Variants in TIAM1 observed in about 807,000 individuals in gnomAD.
TIAM1 encodes the protein TIAM Rac1 associated GEF 1.
In TIAM1, 65 loss-of-function variants were observed where a neutral mutation model predicts 163.5. That is an observed-to-expected ratio of 0.40 (90% CI 0.33 to 0.49). The LOEUF (loss-of-function observed/expected upper bound fraction) is 0.49. TIAM1 is among the 20% of genes least tolerant of loss of function. TIAM1 has a pLI of 0.77. For synonymous variants in TIAM1, 833 were observed against 810.1 expected (o/e 1.03, Z -0.48); for missense variants, 1,789 against 2,044.7 (o/e 0.87, Z 2.41).
At chr21:31,160,852 G>C (rs1201101728) in intron 16 of TIAM1, 1 of 219,254 alleles carries the variant, frequency 4.6e-6, no homozygotes, top group African/African-American at 2.3e-5. Flanking sequence ...CAGAAAGGGA[G>C]AGCTGAAACT....
At chr21:31,217,193 G>A (rs1349061851) in intron 9 of TIAM1, among the ~76,000 whole-genome samples, 1 of 149,028 alleles carries the variant, frequency 6.7e-6, no homozygotes, top group Non-Finnish European at 1.5e-5. Flanking sequence ...GTGACAGAGC[G>A]AGACTCTGTC....
chr21:31,301,609 G>A (rs532666639), intron 2 of TIAM1, among the ~76,000 whole-genome samples: 1 of 152,200 alleles, frequency 6.6e-6, no homozygotes, highest in Admixed American at 6.5e-5. Flanking sequence ...GGAGGCAGAA[G>A]AGAGTGGATC....
chr21:31,127,204 T>C (rs762756734), intron 25 of TIAM1, 52 bp from the exon 26 acceptor site: 1 of 1,568,906 alleles, frequency 6.4e-7, no homozygotes, highest in South Asian at 1.1e-5. Flanking sequence ...GTGGATTTAT[T>C]TACATGTTTG....
chr21:31,362,784 C>A (rs1039221607), intron 2 of TIAM1, among the ~76,000 whole-genome samples: 1 of 151,972 alleles, frequency 6.6e-6, no homozygotes, highest in Non-Finnish European at 1.5e-5. Context: ...ATTTTTAAAG[C>A]AATGCTAGTC....
In TIAM1 at chr21:31,118,519, A is replaced by G. The variant is rs1229490621; in HGVS notation, c.*1849T>C. Reference sequence around the variant, plus strand: ...TTCTTTCAGCTTATAAAAGAAATATATAAGAACTTTTGACATAGACACGTC... The same window carrying G: ...TTCTTTCAGCTTATAAAAGAAATATGTAAGAACTTTTGACATAGACACGTC... On this transcript the variant is annotated 3_prime_UTR_variant, in exon 28 of 28. Coordinates refer to ENST00000541036, the MANE Select transcript of TIAM1 (RefSeq NM_001353694.2). The G allele has an allele frequency of 1.1e-5, 5 of 458,046 alleles. No homozygotes were observed. Among genetic ancestry groups the G allele is most frequent in the Admixed American group, 2.6e-5 (1 of 38,366 alleles). The allele number at this position is 458,046 out of a possible 1,614,324, so 28.4% of individuals were successfully genotyped here. A position where few individuals can be genotyped will look rare whatever the true frequency, so the allele number is the denominator to read the frequency against.
In TIAM1 at chr21:31,118,721, G is replaced by T; in HGVS notation, c.*1647C>A. ...TATGGAAAAATGCAGTGATACAAAGGGTATAGAAACCATTCTAAAGCTTTT... is the reference window on the plus strand; with the variant it reads ...TATGGAAAAATGCAGTGATACAAAGTGTATAGAAACCATTCTAAAGCTTTT... On this transcript the variant is annotated 3_prime_UTR_variant, in exon 28 of 28. Coordinates refer to ENST00000541036, the MANE Select transcript of TIAM1 (RefSeq NM_001353694.2). 1 of 454,240 alleles carries T rather than the reference G, an allele frequency of 2.2e-6. No individual in the cohort carries two copies. Among genetic ancestry groups the T allele is most frequent in the Admixed American group, 2.6e-5 (1 of 37,988 alleles). 28.1% of individuals were successfully genotyped at this position (454,240 alleles called of 1,614,324 possible). A position where few individuals can be genotyped will look rare whatever the true frequency, so the allele number is the denominator to read the frequency against.
At chr21:31,180,872 A>G (rs2084981183) in intron 15 of TIAM1, among the ~76,000 whole-genome samples, 1 of 152,260 alleles carries the variant, frequency 6.6e-6, no homozygotes, top group Non-Finnish European at 1.5e-5. Flanking sequence ...AGTCAACTGT[A>G]ACTGAGAGCA....
intron 2 of TIAM1, among the ~76,000 whole-genome samples, chr21:31,300,183 G>T (rs1293912320): frequency 6.6e-6 from 1 of 152,064 alleles, no homozygotes. Flanking sequence ...TCCCCACTCG[G>T]TATCTTGCTC....
intron 2 of TIAM1, among the ~76,000 whole-genome samples, chr21:31,328,399 G>A (rs1157721946): frequency 1.3e-5 from 2 of 152,088 alleles, no homozygotes; most frequent in Non-Finnish European, 2.9e-5. Flanking sequence ...GAGACAAGGT[G>A]TCACTCTGTC....
chr21:31,201,978 T>A (rs995036122), intron 12 of TIAM1, among the ~76,000 whole-genome samples: 2 of 152,206 alleles, frequency 1.3e-5, no homozygotes, highest in Non-Finnish European at 1.5e-5. Flanking sequence ...AGAAATTAAG[T>A]ATTAGCATTT....
intron 1 of TIAM1, among the ~76,000 whole-genome samples, chr21:31,503,984 G>A (rs2046948428): frequency 6.6e-6 from 1 of 152,102 alleles, no homozygotes; most frequent in African/African-American, 2.4e-5. Flanking sequence ...CTTTCCCAGA[G>A]CAGATCTCTA....
chr21:31,366,085 CAAAAAAA>C (rs869163144), intron 2 of TIAM1, among the ~76,000 whole-genome samples: 18 of 69,546 alleles, frequency 2.6e-4, no homozygotes, highest in African/African-American at 1.7e-4. Flanking sequence ...GACTCTGTCT[CAAAAAAA>C]AAAAAAAAAA....
At chr21:31,443,576 G>A (rs1190092426) in intron 2 of TIAM1, among the ~76,000 whole-genome samples, 1 of 152,020 alleles carries the variant, frequency 6.6e-6, no homozygotes, top group Non-Finnish European at 1.5e-5. Context: ...GACCATCAAG[G>A]ACCAGTTTAA....
Position 31,231,372 on chromosome 21 carries a change from G to A in TIAM1, c.1585-5422C>T, listed in dbSNP as rs1382471049. ...ATAACGGAGTCTGTGTAGTGCACTT[G>A]GAACCCCAAGAAAGACCATAATCTG... On this transcript the variant is annotated intron_variant, in intron 6 of 27. Coordinates refer to ENST00000541036, the MANE Select transcript of TIAM1 (RefSeq NM_001353694.2). Among the ~76,000 whole-genome samples, 4 of 152,096 alleles carry A rather than the reference G, an allele frequency of 2.6e-5. No individual in the cohort carries two copies. The East Asian group carries it at 7.7e-4, about 29-fold the overall frequency.
chr21:31,315,846 G>GCCAC (rs2075105107), intron 2 of TIAM1, among the ~76,000 whole-genome samples: 1 of 151,746 alleles, frequency 6.6e-6, no homozygotes, highest in African/African-American at 2.4e-5. Flanking sequence ...GTGTGGTGGT[G>GCCAC]CACGCCTGTA....
chr21:31,412,084 A>G (rs1277003895), intron 2 of TIAM1, among the ~76,000 whole-genome samples: 2 of 152,206 alleles, frequency 1.3e-5, no homozygotes, highest in Non-Finnish European at 2.9e-5. Flanking sequence ...ATATATACAC[A>G]ATGGAATAGT....
At chr21:31,262,330 C>T (rs568113130) in intron 4 of TIAM1, among the ~76,000 whole-genome samples, 1 of 152,200 alleles carries the variant, frequency 6.6e-6, no homozygotes, top group Non-Finnish European at 1.5e-5. Context: ...TAGGCAGCCC[C>T]CTCCTCTGTC....
chr21:31,170,073 G>A (rs926939848), intron 15 of TIAM1, among the ~76,000 whole-genome samples: 1 of 152,102 alleles, frequency 6.6e-6, no homozygotes, highest in Non-Finnish European at 1.5e-5. Flanking sequence ...CTAAACAAAT[G>A]TAAAACAGGC....
At chr21:31,464,970 GC>G (rs1198707580) in intron 1 of TIAM1, among the ~76,000 whole-genome samples, 2 of 151,812 alleles carry the variant, frequency 1.3e-5, no homozygotes, top group African/African-American at 4.8e-5. Flanking sequence ...AGATGGCACC[GC>G]CGCACTCCAG....
Sources: gnomAD v4.1 joint callset for allele counts (sites outside exome capture counted in the v4.1 genomes callset) on GRCh38, gnomAD v4.1.1 for gene constraint, MANE v1.5 for transcripts, NCBI Gene and HGNC (gene_info 2026-07-23, HGNC 2026-07-21) for gene names.